Variants in SH3PXD2A observed in about 807,000 individuals in gnomAD.
SH3PXD2A encodes the protein SH3 and PX domain-containing protein 2A.
In SH3PXD2A, 32 loss-of-function variants were observed where a neutral mutation model predicts 115.2. That is an observed-to-expected ratio of 0.28 (90% confidence interval 0.21 to 0.37). The LOEUF is 0.37. Ranked by LOEUF, SH3PXD2A falls within the 10% of genes least tolerant of loss-of-function variation. The probability of loss-of-function intolerance (pLI) is 1.00; values close to 1 mark genes in which losing one functional copy is unlikely to be tolerated. For missense variants in SH3PXD2A, 1,328 were observed against 1,498.7 expected, an observed-to-expected ratio of 0.89 and a Z score of 1.88; for synonymous variants, 610 against 629.1, an observed-to-expected ratio of 0.97 and a Z score of 0.45.
chr10:103,823,081 A>G (rs987479512), intron 1 of SH3PXD2A, among the ~76,000 whole-genome samples: 1 of 152,222 alleles, frequency 6.6e-6, no homozygotes, highest in Non-Finnish European at 1.5e-5. Flanking sequence ...TTCCCCTGCT[A>G]GGAATTTATC....
At position 103,720,139 on chromosome 10, in the gene SH3PXD2A, G is replaced by A. The variant is rs78737515; in HGVS notation, c.398+4131C>T. On this transcript the variant is annotated intron_variant, in intron 5 of 14. Coordinates refer to ENST00000369774, the MANE Select transcript of SH3PXD2A (RefSeq NM_001394015.1). ...TGAAGGCTGGTTCCCCACAGATGGC[G>A]CACTCTAGCTGTGTCCTGCCATGGC... is the stretch of plus-strand genomic sequence containing the variant. Among the ~76,000 whole-genome samples, 858 of 152,334 alleles carry A rather than the reference G, an allele frequency of 5.6e-3. 9 individuals carry two copies. Among genetic ancestry groups the A allele is most frequent in the African/African-American group, 0.019 (794 of 41,572 alleles).
At position 103,613,228 on chromosome 10, in the gene SH3PXD2A, T is replaced by G. The variant is rs188053542; in HGVS notation, c.921-38A>C. On this transcript the variant is annotated intron_variant, in intron 11 of 14. Coordinates refer to ENST00000369774, the MANE Select transcript of SH3PXD2A (RefSeq NM_001394015.1). ...GCAGGATGTGCTATCATTAGAGCAC[T>G]CTGACCTCACAGCCCACTCCCAGGC... 2.1e-3 allele frequency: 3,031 copies of G among 1,478,530 alleles called. 6 individuals carry two copies. Among genetic ancestry groups the G allele is most frequent in the Non-Finnish European group, 2.6e-3 (2,860 of 1,090,894 alleles). 91.6% of individuals were successfully genotyped at this position (1,478,530 alleles called of 1,614,324 possible). A position where few individuals can be genotyped will look rare whatever the true frequency, so the allele number is the denominator to read the frequency against.
intron 2 of SH3PXD2A, among the ~76,000 whole-genome samples, chr10:103,769,134 C>CTGTGTGTG (rs67426639): frequency 8.5e-5 from 12 of 141,914 alleles, no homozygotes; most frequent in Non-Finnish European, 1.5e-4. Context: ...AGGCTAGACT[C>CTGTGTGTG]TGTGTGTGTG....
rs530092123 is a variant in SH3PXD2A at position 103,772,688 on chromosome 10, C to T, written c.154-5519G>A. On this transcript the variant is annotated intron_variant, in intron 2 of 14. Coordinates refer to ENST00000369774, the MANE Select transcript of SH3PXD2A (RefSeq NM_001394015.1). ...AGCTGATTCGGCAGCTCTCCCAGGG[C>T]AGGGCTCCGCAGCAATCCACGCAGG... Among the ~76,000 whole-genome samples, 14 of 152,316 alleles carry T rather than the reference C, an allele frequency of 9.2e-5. No homozygotes were observed. The East Asian group carries it at 1.4e-3, about 15-fold the overall frequency.
intron 5 of SH3PXD2A, among the ~76,000 whole-genome samples, chr10:103,696,883 G>A (rs1365906719): frequency 6.6e-6 from 1 of 152,166 alleles, no homozygotes; most frequent in East Asian, 1.9e-4. Flanking sequence ...GGCTCAAACT[G>A]GACAAACTGG....
chr10:103,794,182 G>C (rs2134255099), intron 2 of SH3PXD2A, among the ~76,000 whole-genome samples: 1 of 152,292 alleles, frequency 6.6e-6, no homozygotes, highest in Non-Finnish European at 1.5e-5. Flanking sequence ...CCCCAGGGTG[G>C]GGTGCATGGG....
chr10:103,788,742 C>G (rs1279295674), intron 2 of SH3PXD2A, among the ~76,000 whole-genome samples: 1 of 152,142 alleles, frequency 6.6e-6, no homozygotes, highest in African/African-American at 2.4e-5. Flanking sequence ...TGGCAGGCAC[C>G]TGTAATCCCA....
At chr10:103,848,091 G>C (rs536556972) in intron 1 of SH3PXD2A, among the ~76,000 whole-genome samples, 3 of 152,146 alleles carry the variant, frequency 2.0e-5, no homozygotes, top group African/African-American at 7.2e-5. Context: ...GCGCATTCTC[G>C]CTCTTGCCAC....
chr10:103,719,206 G>A (rs1482950535), intron 5 of SH3PXD2A, among the ~76,000 whole-genome samples: 3 of 152,242 alleles, frequency 2.0e-5, no homozygotes, highest in African/African-American at 7.2e-5. Context: ...CATCAAAGGG[G>A]CTGAGGCCGG....
chr10:103,616,245 C>T (rs910957691), intron 11 of SH3PXD2A, among the ~76,000 whole-genome samples: 4 of 152,310 alleles, frequency 2.6e-5, no homozygotes, highest in African/African-American at 7.2e-5. Flanking sequence ...TCCCCTCTGT[C>T]GGAGACCACC....
At chr10:103,855,114 G>GGGC in intron 1 of SH3PXD2A, 81 bp downstream of exon 1, 1 of 1,007,030 alleles carries the variant, frequency 9.9e-7, no homozygotes, top group African/African-American at 1.7e-5. Flanking sequence ...CGACCTCACA[G>GGGC]CTGGGAGGGG....
chr10:103,765,965 G>A (rs967523826), intron 3 of SH3PXD2A, among the ~76,000 whole-genome samples: 6 of 152,338 alleles, frequency 3.9e-5, no homozygotes, highest in Non-Finnish European at 5.9e-5. Flanking sequence ...CCCAAACTGT[G>A]GAATTTAGAA....
intron 14 of SH3PXD2A, among the ~76,000 whole-genome samples, chr10:103,605,129 C>T (rs1362536614): frequency 1.8e-4 from 27 of 152,132 alleles, no homozygotes; most frequent in Admixed American, 1.7e-3. Context: ...GGTGGAGGGG[C>T]GTCCCAGGAT....
rs1390936260 is a variant in SH3PXD2A, at chr10:103,599,230, T to TATTA, written c.*2582_*2585dup. 2.2e-5 allele frequency: 3 copies of TATTA among 134,898 alleles called. No homozygotes were observed. In the East Asian group the frequency reaches 6.9e-4, roughly 31 times the overall value. The allele number at this position is 134,898 out of a possible 1,614,324, so 8.4% of individuals were successfully genotyped here. On this transcript the variant is annotated 3_prime_UTR_variant, in exon 15 of 15. Coordinates refer to ENST00000369774, the MANE Select transcript of SH3PXD2A (RefSeq NM_001394015.1). ...TTTCAGTCCTGCATTTTAATGACTC[T>TATTA]ATTACTTACAGCACTGGGGGTCAAG...
intron 2 of SH3PXD2A, among the ~76,000 whole-genome samples, chr10:103,800,954 T>C (rs998552851): frequency 4.6e-5 from 7 of 152,218 alleles, no homozygotes; most frequent in African/African-American, 1.2e-4. Context: ...TGGATGTTTA[T>C]AGACACACGT....
chr10:103,759,247 C>T (rs1291480588), intron 3 of SH3PXD2A, among the ~76,000 whole-genome samples: 3 of 152,178 alleles, frequency 2.0e-5, no homozygotes, highest in Non-Finnish European at 4.4e-5. Context: ...AGGGCCGTTA[C>T]GTAAACTGGC....
intron 2 of SH3PXD2A, among the ~76,000 whole-genome samples, chr10:103,796,040 T>A (rs1423618593): frequency 1.3e-5 from 2 of 152,194 alleles, no homozygotes; most frequent in African/African-American, 4.8e-5. Context: ...TTTGGCTATG[T>A]CACCCTAGGC....
At chr10:103,629,215 G>C (rs965058272) in intron 8 of SH3PXD2A, among the ~76,000 whole-genome samples, 1 of 152,222 alleles carries the variant, frequency 6.6e-6, no homozygotes, top group Non-Finnish European at 1.5e-5. Context: ...ACAGAAAAAG[G>C]TAGGTACCTC....
chr10:103,828,910 G>A (rs1011136090), intron 1 of SH3PXD2A, among the ~76,000 whole-genome samples: 3 of 152,260 alleles, frequency 2.0e-5, no homozygotes, highest in East Asian at 1.9e-4. Context: ...GTGGTGTTGC[G>A]ATTTCTGCAG....
Sources: allele counts gnomAD v4.1 joint callset (sites outside exome capture counted in the v4.1 genomes callset), GRCh38; gene constraint gnomAD v4.1.1; transcripts MANE v1.5; gene names NCBI Gene and HGNC (gene_info 2026-07-23, HGNC 2026-07-21).